CDH12: variants seen among roughly 807,000 people sequenced by gnomAD.
The protein encoded by CDH12 is cadherin 12.
A neutral mutation model predicts 74.1 loss-of-function variants in CDH12; 41 were observed. The observed-to-expected ratio is 0.55, with a 90% CI of 0.43 to 0.72. CDH12 has a LOEUF of 0.72. CDH12 is among the 30% of genes least tolerant of loss of function. The pLI is 0.00. For missense variants in CDH12, 945 were observed against 977.2 expected (o/e 0.97, Z 0.44); for synonymous variants, 399 against 355.0 (o/e 1.12, Z -1.39).
intron 2 of CDH12, among the ~76,000 whole-genome samples, chr5:22,453,886 T>C (rs1745152587): frequency 6.6e-6 from 1 of 152,132 alleles, no homozygotes; most frequent in African/African-American, 2.4e-5. Context: ...ATTTTAATAT[T>C]TATATGATTT....
intron 5 of CDH12, among the ~76,000 whole-genome samples, chr5:21,991,826 G>A (rs1159396797): frequency 6.6e-6 from 1 of 151,686 alleles, no homozygotes; most frequent in Non-Finnish European, 1.5e-5. Context: ...CAAGAACTTA[G>A]CTTGTTTTCT....
At chr5:22,647,582 G>A (rs1467729045) in intron 1 of CDH12, among the ~76,000 whole-genome samples, 1 of 151,614 alleles carries the variant, frequency 6.6e-6, no homozygotes, top group African/African-American at 2.4e-5. Flanking sequence ...AAAGCACTCT[G>A]TTTTTTCCTT....
intron 3 of CDH12, among the ~76,000 whole-genome samples, chr5:22,250,463 G>T (rs905936382): frequency 5.9e-5 from 9 of 152,052 alleles, no homozygotes; most frequent in Non-Finnish European, 1.2e-4. Flanking sequence ...TCTAATCGTG[G>T]ATATCGCCTT....
chr5:21,777,935 A>T (rs1449758887), intron 11 of CDH12, among the ~76,000 whole-genome samples: 1 of 152,196 alleles, frequency 6.6e-6, no homozygotes, highest in Non-Finnish European at 1.5e-5. Context: ...TCACATAGTT[A>T]TAATTTTTGT....
intron 1 of CDH12, among the ~76,000 whole-genome samples, chr5:22,802,486 T>C (rs977594952): frequency 1.3e-5 from 2 of 152,128 alleles, no homozygotes; most frequent in African/African-American, 4.8e-5. Context: ...TAATAAATAA[T>C]TAGACTTCTG....
intron 1 of CDH12, among the ~76,000 whole-genome samples, chr5:22,704,281 GTGGGGACAGTGATGTC>G (rs1268999103): frequency 4.6e-5 from 7 of 151,940 alleles, no homozygotes; most frequent in African/African-American, 1.7e-4. Flanking sequence ...GTGTAGAGCA[GTGGGGACAGTGATGTC>G]TAGCTAACAG....
chr5:22,184,693 A>G (rs1202042472), intron 4 of CDH12, among the ~76,000 whole-genome samples: 1 of 152,198 alleles, frequency 6.6e-6, no homozygotes, highest in African/African-American at 2.4e-5. Flanking sequence ...TCCTTACTTC[A>G]CATGTGCAGA....
intron 1 of CDH12, among the ~76,000 whole-genome samples, chr5:22,703,938 T>A (rs1742849349): frequency 6.6e-6 from 1 of 152,130 alleles, no homozygotes; most frequent in Non-Finnish European, 1.5e-5. Flanking sequence ...AAGGTTAACA[T>A]AATAGACGTA....
intron 4 of CDH12, among the ~76,000 whole-genome samples, chr5:22,198,005 A>G (rs1750718211): frequency 6.6e-6 from 1 of 151,762 alleles, no homozygotes; most frequent in South Asian, 2.1e-4. Context: ...TAACAGTAAA[A>G]TAAGTATGAT....
intron 3 of CDH12, among the ~76,000 whole-genome samples, chr5:22,372,792 C>T (rs1741352640): frequency 6.6e-6 from 1 of 152,154 alleles, no homozygotes; most frequent in South Asian, 2.1e-4. Context: ...AACAGATCCC[C>T]AAAGGACTTT....
chr5:22,275,102 G>T (rs114524510), intron 3 of CDH12, among the ~76,000 whole-genome samples: 3,834 of 152,150 alleles, frequency 0.025, 71 homozygotes, highest in African/African-American at 0.052. Flanking sequence ...ACAGAGAGGG[G>T]AACATCACAC....
intron 3 of CDH12, among the ~76,000 whole-genome samples, chr5:22,393,448 C>A (rs1013293627): frequency 2.6e-5 from 4 of 152,068 alleles, no homozygotes; most frequent in African/African-American, 9.7e-5. Flanking sequence ...TTTTAACCAC[C>A]CATTTGTACA....
intron 1 of CDH12, among the ~76,000 whole-genome samples, chr5:22,633,142 T>G (rs1006438555): frequency 6.6e-6 from 1 of 152,020 alleles, no homozygotes; most frequent in African/African-American, 2.4e-5. Flanking sequence ...AAGAAATTAT[T>G]AAATTAAAAA....
chr5:22,292,103 G>A (rs1737412347), intron 3 of CDH12, among the ~76,000 whole-genome samples: 2 of 151,936 alleles, frequency 1.3e-5, no homozygotes, highest in Non-Finnish European at 2.9e-5. Context: ...TACACTATGG[G>A]GACAATCTCT....
intron 1 of CDH12, among the ~76,000 whole-genome samples, chr5:22,760,914 C>A (rs1746194270): frequency 6.6e-6 from 1 of 152,004 alleles, no homozygotes; most frequent in South Asian, 2.1e-4. Flanking sequence ...AAAAAAACCC[C>A]ACTTTTTTTA....
chr5:22,843,687 C>T (rs186686705), intron 1 of CDH12, among the ~76,000 whole-genome samples: 55 of 151,402 alleles, frequency 3.6e-4, no homozygotes, highest in Non-Finnish European at 6.8e-4. Flanking sequence ...TGTGAAGGCA[C>T]TGCAAAAATG....
chr5:22,115,266 A>G lies in CDH12; in HGVS notation c.-186-36404T>C, dbSNP rs949806501. Among the ~76,000 whole-genome samples, 4 of 152,202 alleles carry G rather than the reference A, an allele frequency of 2.6e-5. No homozygotes were observed. In the South Asian group the frequency reaches 8.3e-4, roughly 32 times the overall value. On this transcript the variant is annotated intron_variant, in intron 4 of 14. Transcript: ENST00000382254. Reference sequence around the variant, plus strand: ...AAAGACTACGTTGTCTATTTCCATAATAGCTATGTTTATGGAATACATCTT... The same window carrying G: ...AAAGACTACGTTGTCTATTTCCATAGTAGCTATGTTTATGGAATACATCTT...
intron 6 of CDH12, among the ~76,000 whole-genome samples, chr5:21,928,161 C>T (rs1754676982): frequency 6.6e-6 from 1 of 152,018 alleles, no homozygotes; most frequent in Non-Finnish European, 1.5e-5. Flanking sequence ...TGATCATCTG[C>T]CATCTTTATA....
chr5:22,604,794 C>A (rs998436081), intron 1 of CDH12, among the ~76,000 whole-genome samples: 2 of 152,138 alleles, frequency 1.3e-5, no homozygotes, highest in East Asian at 3.9e-4. Context: ...TAACAGAAGG[C>A]ACACTTTGGG....
Sources: gnomAD v4.1 joint callset for allele counts (sites outside exome capture counted in the v4.1 genomes callset) on GRCh38, gnomAD v4.1.1 for gene constraint, MANE v1.5 for transcripts, NCBI Gene and HGNC (gene_info 2026-07-23, HGNC 2026-07-21) for gene names.